Variants in BLVRB observed in about 807,000 individuals in gnomAD.
BLVRB encodes the protein flavin reductase (NADPH).
A neutral mutation model predicts 21.1 loss-of-function variants in BLVRB; 25 were observed. The ratio of observed to expected loss-of-function variants is 1.19; its 90% confidence interval spans 0.86 to 1.66. BLVRB has a LOEUF of 1.66. Ranked by LOEUF, BLVRB falls within the 40% of genes most tolerant of loss-of-function variation. The pLI, the probability that BLVRB is intolerant of heterozygous loss-of-function variation, is 0.00. For missense variants in BLVRB, 274 were observed against 282.7 expected, an observed-to-expected ratio of 0.97 and a Z score of 0.22; for synonymous variants, 128 against 122.2, an observed-to-expected ratio of 1.05 and a Z score of -0.31.
intron 1 of BLVRB, among the ~76,000 whole-genome samples, chr19:40,459,972 G>A (rs1028348935): frequency 1.3e-5 from 2 of 152,108 alleles, no homozygotes; most frequent in African/African-American, 4.8e-5. Flanking sequence ...TTCTGAGGGG[G>A]ACATGGGTTG....
chr19:40,463,958 G>A (rs1000504001), intron 1 of BLVRB, among the ~76,000 whole-genome samples: 18 of 151,950 alleles, frequency 1.2e-4, no homozygotes, highest in Non-Finnish European at 1.9e-4. Flanking sequence ...TAGTAGAGAC[G>A]GGGTTTCACT....
chr19:40,455,983 G>A (rs1441457070), intron 3 of BLVRB, among the ~76,000 whole-genome samples: 1 of 151,492 alleles, frequency 6.6e-6, no homozygotes, highest in Non-Finnish European at 1.5e-5. Flanking sequence ...TTATAACCCG[G>A]TCTCAAAATA....
intron 1 of BLVRB, among the ~76,000 whole-genome samples, chr19:40,458,867 A>G (rs919799149): frequency 7.9e-5 from 12 of 151,518 alleles, no homozygotes; most frequent in Non-Finnish European, 2.9e-5. Flanking sequence ...TAATTTTGCA[A>G]TCTTTTGTAG....
intron 4 of BLVRB, among the ~76,000 whole-genome samples, chr19:40,448,540 A>G (rs900078660): frequency 2.0e-5 from 3 of 150,890 alleles, no homozygotes; most frequent in Non-Finnish European, 2.9e-5. Flanking sequence ...ACAGTGAGCC[A>G]TGATCGTGAC....
intron 1 of BLVRB, among the ~76,000 whole-genome samples, chr19:40,463,416 A>G (rs1188724873): frequency 2.0e-5 from 3 of 152,246 alleles, no homozygotes; most frequent in African/African-American, 7.2e-5. Flanking sequence ...CAAAGGCTGT[A>G]AGCCGCAGAG....
At chr19:40,458,627 G>GA (rs1229987311) in intron 1 of BLVRB, 82 bp from the exon 2 acceptor site, 4 of 1,441,746 alleles carry the variant, frequency 2.8e-6, no homozygotes, top group Middle Eastern at 1.8e-4. Flanking sequence ...AAGCCACCAT[G>GA]AACTCTCAAA....
chr19:40,454,273 C>G (rs940762056), intron 3 of BLVRB, among the ~76,000 whole-genome samples: 1 of 146,558 alleles, frequency 6.8e-6, no homozygotes, highest in African/African-American at 2.5e-5. Flanking sequence ...GGATTACAGG[C>G]GTGTGCCACC....
chr19:40,451,446 A>G lies in BLVRB; in HGVS notation c.381T>C (p.Ala127=). The G allele has an allele frequency of 6.2e-7, 1 of 1,613,198 alleles. No individual in the cohort carries two copies. ...DPTKVPPRLQ[A]VTDDHIRMHK... ...GCATCCGGATGTGGTCATCAGTCACAGCCTGCAGTCGTGGGGGCACCTTGG... is the reference window on the plus strand; with the variant it reads ...GCATCCGGATGTGGTCATCAGTCACGGCCTGCAGTCGTGGGGGCACCTTGG... The change falls in exon 4 of 5, where the codon GCT becomes GCC. Residue 127 remains alanine, a synonymous_variant. Transcript: ENST00000263368.
chr19:40,453,819 T>C (rs1179918794), intron 3 of BLVRB, among the ~76,000 whole-genome samples: 2 of 152,122 alleles, frequency 1.3e-5, no homozygotes, highest in South Asian at 2.1e-4. Flanking sequence ...TGGTGAGACC[T>C]GTCTCTACAG....
At chr19:40,449,426 A>G (rs1041036170) in intron 4 of BLVRB, among the ~76,000 whole-genome samples, 1 of 151,958 alleles carries the variant, frequency 6.6e-6, no homozygotes, top group African/African-American at 2.4e-5. Context: ...TTGTATTTTT[A>G]GTAGAGACGG....
intron 3 of BLVRB, 136 bp downstream of exon 3, chr19:40,458,018 TA>T: frequency 1.2e-6 from 1 of 848,782 alleles, no homozygotes. Flanking sequence ...CATCACCCAG[TA>T]AGGTTCAGGC....
At position 40,448,029 on chromosome 19, in the gene BLVRB, C is replaced by T; in HGVS notation, c.481G>A (p.Gly161Arg). 3.1e-6 allele frequency: 5 copies of T among 1,613,180 alleles called. No individual in the cohort carries two copies. Among genetic ancestry groups the T allele is most frequent in the Non-Finnish European group, 3.4e-6 (4 of 1,179,308 alleles). The stretch of plus-strand genomic sequence containing the variant: ...CCATCCAGGGTCACTGTGTACGCCC[C>T]AGTTAGTGGCTGGTCTCCTATGAAG... ...PPHIGDQPLT[G>R]AYTVTLDGRG... Residue 161 changes from glycine to arginine, a missense_variant, in exon 5 of 5, where the codon GGG (glycine) becomes AGG (arginine). Physicochemically the swap from Gly to Arg is moderately radical, Grantham distance 125. Coordinates refer to ENST00000263368, the MANE Select transcript of BLVRB (RefSeq NM_000713.3).
At chr19:40,453,095 C>T (rs1446921173) in intron 3 of BLVRB, among the ~76,000 whole-genome samples, 1 of 151,858 alleles carries the variant, frequency 6.6e-6, no homozygotes, top group African/African-American at 2.4e-5. Flanking sequence ...TTTTTTGTAG[C>T]GATGGAGGTC....
At chr19:40,451,625 C>T (rs766400781) in intron 3 of BLVRB, 133 bp from the exon 4 acceptor site, 37 of 1,244,902 alleles carry the variant, frequency 3.0e-5, no homozygotes, top group African/African-American at 7.8e-5. Context: ...CTCTGCCTCC[C>T]GGGTTCAAGC....
At chr19:40,458,078 G>A (rs746126847) in intron 3 of BLVRB, 77 bp downstream of exon 3, 32 of 1,381,918 alleles carry the variant, frequency 2.3e-5, no homozygotes, top group Admixed American at 7.2e-5. Flanking sequence ...TGGCTTCAGC[G>A]TCACCTTTCA....
At chr19:40,454,080 G>A (rs1045867629) in intron 3 of BLVRB, among the ~76,000 whole-genome samples, 9 of 152,100 alleles carry the variant, frequency 5.9e-5, no homozygotes, top group African/African-American at 1.2e-4. Context: ...AGACTCTGTC[G>A]CAACAAAAAA....
chr19:40,465,470 A>G, intron 1 of BLVRB, 140 bp downstream of exon 1: 1 of 1,020,750 alleles, frequency 9.8e-7, no homozygotes, highest in Non-Finnish European at 1.4e-6. Flanking sequence ...CCCCGTGGCC[A>G]CTTGCTTTGG....
intron 3 of BLVRB, among the ~76,000 whole-genome samples, chr19:40,454,718 T>C (rs561443810): frequency 1.8e-4 from 27 of 152,246 alleles, no homozygotes; most frequent in African/African-American, 6.5e-4. Flanking sequence ...GCTAATTTTT[T>C]GTATTTTTAG....
chr19:40,453,888 G>A (rs1398837669), intron 3 of BLVRB, among the ~76,000 whole-genome samples: 1 of 152,152 alleles, frequency 6.6e-6, no homozygotes, highest in Non-Finnish European at 1.5e-5. Context: ...AGAAGGCTGA[G>A]GCGAGAGGAT....
Sources: gnomAD v4.1 joint callset for allele counts (sites outside exome capture counted in the v4.1 genomes callset) on GRCh38, gnomAD v4.1.1 for gene constraint, MANE v1.5 for transcripts, NCBI Gene and HGNC (gene_info 2026-07-23, HGNC 2026-07-21) for gene names.